The following QTMAN variants were observed in gnomAD, a reference collection of about 807,000 sequenced individuals.
QTMAN encodes queuosine-tRNA mannosyltransferase.
chr2:144,118,674 G>A, the QTMAN span, among the ~76,000 whole-genome samples: 6 of 152,110 alleles, frequency 3.9e-5, no homozygotes, highest in African/African-American at 1.4e-4. Context: ...ACGAGGTCAC[G>A]AGATCAAGAC....
the QTMAN span, among the ~76,000 whole-genome samples, chr2:144,197,992 C>G: frequency 6.6e-6 from 1 of 152,096 alleles, no homozygotes; most frequent in Non-Finnish European, 1.5e-5. Flanking sequence ...TTCAGGAGGC[C>G]AAGGTGGGAG....
the QTMAN span, among the ~76,000 whole-genome samples, chr2:144,067,569 T>G: frequency 6.6e-6 from 1 of 152,162 alleles, no homozygotes; most frequent in African/African-American, 2.4e-5. Flanking sequence ...AAAAGGATTA[T>G]TTATCCCATC....
chr2:144,007,409 C>A, the QTMAN span: 2 of 1,613,154 alleles, frequency 1.2e-6, no homozygotes, highest in Non-Finnish European at 1.7e-6. Flanking sequence ...AATTAAAATT[C>A]TTCAATAAAT....
the QTMAN span, among the ~76,000 whole-genome samples, chr2:144,225,842 C>T: frequency 3.3e-4 from 50 of 152,202 alleles, no homozygotes; most frequent in Non-Finnish European, 5.9e-4. Flanking sequence ...CCCTCTTATA[C>T]TATAGTTATA....
chr2:143,983,752 C>T, the QTMAN span, among the ~76,000 whole-genome samples: 3 of 152,216 alleles, frequency 2.0e-5, no homozygotes, highest in African/African-American at 2.4e-5. Flanking sequence ...GGATTACAGG[C>T]GTGAGCCACC....
chr2:144,248,008 T>A, the QTMAN span, among the ~76,000 whole-genome samples: 8 of 152,338 alleles, frequency 5.3e-5, no homozygotes, highest in Middle Eastern at 3.4e-3. Flanking sequence ...TATTTTCTAA[T>A]AGGCCTTTAA....
At chr2:144,264,768 T>C in the QTMAN span, among the ~76,000 whole-genome samples, 2 of 152,210 alleles carry the variant, frequency 1.3e-5, no homozygotes, top group Admixed American at 6.5e-5. Flanking sequence ...ATTCCTATAG[T>C]GGGTAAGACT....
At chr2:144,309,257 C>T in the QTMAN span, among the ~76,000 whole-genome samples, 1 of 152,100 alleles carries the variant, frequency 6.6e-6, no homozygotes, top group Non-Finnish European at 1.5e-5. Flanking sequence ...AGTAATTTTA[C>T]TATTGAGTAA....
At chr2:144,308,002 A>G in the QTMAN span, among the ~76,000 whole-genome samples, 1 of 152,206 alleles carries the variant, frequency 6.6e-6, no homozygotes, top group Non-Finnish European at 1.5e-5. Context: ...GAAATAGAAA[A>G]GACTTAGAAT....
At chr2:144,094,849 C>T in the QTMAN span, among the ~76,000 whole-genome samples, 2 of 152,212 alleles carry the variant, frequency 1.3e-5, no homozygotes, top group Admixed American at 6.5e-5. Context: ...AAAGTTGCCC[C>T]TTGGCAAGAT....
chr2:144,002,366 C>T, the QTMAN span, among the ~76,000 whole-genome samples: 1 of 151,836 alleles, frequency 6.6e-6, no homozygotes, highest in African/African-American at 2.4e-5. Flanking sequence ...TTTCAAAGAA[C>T]AACTGACAGA....
At chr2:144,046,012 C>G in the QTMAN span, among the ~76,000 whole-genome samples, 1 of 152,176 alleles carries the variant, frequency 6.6e-6, no homozygotes. Flanking sequence ...GATTTAACAA[C>G]TTCATACAAG....
the QTMAN span, among the ~76,000 whole-genome samples, chr2:144,235,134 T>C: frequency 1.3e-5 from 2 of 152,214 alleles, no homozygotes; most frequent in South Asian, 2.1e-4. Flanking sequence ...AAGGCATTCA[T>C]GTAGTGCCAA....
At chr2:143,998,409 T>C in the QTMAN span, among the ~76,000 whole-genome samples, 1 of 151,658 alleles carries the variant, frequency 6.6e-6, no homozygotes, top group African/African-American at 2.4e-5. Context: ...GCTAATGAGT[T>C]GCATAGCCAA....
chr2:144,148,196 AGATTC>A, the QTMAN span, among the ~76,000 whole-genome samples: 1 of 151,834 alleles, frequency 6.6e-6, no homozygotes, highest in Non-Finnish European at 1.5e-5. Context: ...TATTGTTAGG[AGATTC>A]ATGTCAAATT....
the QTMAN span, among the ~76,000 whole-genome samples, chr2:144,101,363 C>A: frequency 6.6e-6 from 1 of 150,666 alleles, no homozygotes; most frequent in African/African-American, 2.5e-5. Context: ...TAATATCCAA[C>A]ATATTTATTC....
chr2:144,285,897 C>A, the QTMAN span, among the ~76,000 whole-genome samples: 7 of 152,202 alleles, frequency 4.6e-5, no homozygotes, highest in African/African-American at 1.7e-4. Context: ...CTTCTAGTAG[C>A]TTGTTACTCT....
At chr2:144,273,010 A>C in the QTMAN span, among the ~76,000 whole-genome samples, 819 of 152,270 alleles carry the variant, frequency 5.4e-3, 19 homozygotes, top group Non-Finnish European at 5.0e-3. Flanking sequence ...AAAAACACTA[A>C]AAGGAAAGGA....
chr2:144,045,215 A>G, the QTMAN span, among the ~76,000 whole-genome samples: 19 of 152,354 alleles, frequency 1.2e-4, 1 homozygote, highest in Middle Eastern at 3.4e-3. Context: ...CTTAAAGTAC[A>G]GTCTGGTCTT....
Sources: gnomAD v4.1 joint callset for allele counts (sites outside exome capture counted in the v4.1 genomes callset) on GRCh38, gnomAD v4.1.1 for gene constraint, MANE v1.5 for transcripts, NCBI Gene and HGNC (gene_info 2026-07-23, HGNC 2026-07-21) for gene names.